Variants in PDE4D observed in about 807,000 individuals in gnomAD.
The protein encoded by PDE4D is 3',5'-cyclic-AMP phosphodiesterase 4D.
In PDE4D, 24 loss-of-function variants were observed where a neutral mutation model predicts 87.4. The observed-to-expected ratio is 0.27, with a 90% CI of 0.20 to 0.39. The LOEUF (loss-of-function observed/expected upper bound fraction) is 0.39, where lower values mean the gene tolerates loss of function less well. PDE4D is among the 10% of genes least tolerant of loss of function. The probability of loss-of-function intolerance (pLI) is 1.00; values close to 1 mark genes in which losing one functional copy is unlikely to be tolerated. For missense variants in PDE4D, 714 were observed against 1,041.0 expected, an observed-to-expected ratio of 0.69 and a Z score of 4.32; for synonymous variants, 384 against 383.2, an observed-to-expected ratio of 1.00 and a Z score of -0.02.
chr5:59,612,628 G>A (rs62355581), intron 1 of PDE4D, among the ~76,000 whole-genome samples: 11,478 of 152,146 alleles, frequency 0.075, 594 homozygotes, highest in Admixed American at 0.13. Flanking sequence ...AGTTTGCAGG[G>A]AGAACAATTT....
At chr5:59,493,269 A>T (rs1806557498) in intron 1 of PDE4D, among the ~76,000 whole-genome samples, 1 of 152,228 alleles carries the variant, frequency 6.6e-6, no homozygotes, top group Non-Finnish European at 1.5e-5. Context: ...CTTTGTTAAG[A>T]TTCAAAAATC....
At chr5:59,325,211 T>C (rs531908522) in intron 1 of PDE4D, among the ~76,000 whole-genome samples, 51 of 152,278 alleles carry the variant, frequency 3.3e-4, no homozygotes, top group African/African-American at 1.1e-3. Flanking sequence ...TGGTTTTACT[T>C]CAAAAGCTCA....
intron 2 of PDE4D, among the ~76,000 whole-genome samples, chr5:60,042,407 G>A (rs528309822): frequency 1.2e-4 from 19 of 152,342 alleles, no homozygotes; most frequent in South Asian, 4.1e-4. Flanking sequence ...TGGCTCTGAA[G>A]AGAGCAGTGG....
At chr5:60,383,815 A>C (rs1219223946) in intron 1 of PDE4D, among the ~76,000 whole-genome samples, 1 of 152,240 alleles carries the variant, frequency 6.6e-6, no homozygotes, top group African/African-American at 2.4e-5. Context: ...AATGCCTTTA[A>C]ATACATTATA....
intron 2 of PDE4D, among the ~76,000 whole-genome samples, chr5:60,076,397 A>C (rs952364373): frequency 6.6e-6 from 1 of 152,072 alleles, no homozygotes; most frequent in Non-Finnish European, 1.5e-5. Flanking sequence ...TGACCTCGTG[A>C]TCCACCCACC....
chr5:60,048,918 G>C (rs1304702544), intron 2 of PDE4D, among the ~76,000 whole-genome samples: 3 of 152,136 alleles, frequency 2.0e-5, no homozygotes, highest in Non-Finnish European at 4.4e-5. Context: ...GGCCTGCCTT[G>C]CTACATTGGG....
intron 5 of PDE4D, among the ~76,000 whole-genome samples, chr5:59,175,984 G>C (rs10079544): frequency 1.3e-5 from 2 of 151,726 alleles, no homozygotes; most frequent in African/African-American, 4.8e-5. Context: ...ACAGTCCTAA[G>C]TGTTAGGTAC....
At chr5:59,693,302 C>G (rs1169905519) in intron 1 of PDE4D, among the ~76,000 whole-genome samples, 1 of 152,026 alleles carries the variant, frequency 6.6e-6, no homozygotes, top group African/African-American at 2.4e-5. Flanking sequence ...AGACTTCACT[C>G]AAATGTCCAG....
intron 1 of PDE4D, among the ~76,000 whole-genome samples, chr5:60,324,522 C>T (rs1379188326): frequency 6.6e-6 from 1 of 152,164 alleles, no homozygotes; most frequent in African/African-American, 2.4e-5. Flanking sequence ...CCTGTAGTCC[C>T]AGCTATCAGG....
chr5:59,991,613 C>T (rs1031212800), intron 2 of PDE4D, among the ~76,000 whole-genome samples: 1 of 152,100 alleles, frequency 6.6e-6, no homozygotes. Flanking sequence ...AACCTTAACA[C>T]CACCTCCAGT....
At chr5:59,089,153 A>G (rs1460691315) in intron 5 of PDE4D, among the ~76,000 whole-genome samples, 1 of 152,100 alleles carries the variant, frequency 6.6e-6, no homozygotes, top group Non-Finnish European at 1.5e-5. Flanking sequence ...CTTCAAACAA[A>G]TGAGGCAATT....
intron 1 of PDE4D, among the ~76,000 whole-genome samples, chr5:59,343,628 T>C (rs1779136730): frequency 6.6e-6 from 1 of 152,194 alleles, no homozygotes; most frequent in African/African-American, 2.4e-5. Context: ...ACAGGGACAT[T>C]GAGCTATTCT....
intron 1 of PDE4D, among the ~76,000 whole-genome samples, chr5:59,607,804 G>A (rs1166733329): frequency 6.6e-6 from 1 of 152,104 alleles, no homozygotes; most frequent in East Asian, 1.9e-4. Context: ...AGCTATCCAT[G>A]CGCTTCTAAC....
At chr5:60,039,422 C>A (rs1476755518) in intron 2 of PDE4D, among the ~76,000 whole-genome samples, 1 of 130,118 alleles carries the variant, frequency 7.7e-6, no homozygotes, top group African/African-American at 2.9e-5. Context: ...ACATCACACA[C>A]TGGGGACTGT....
intron 1 of PDE4D, among the ~76,000 whole-genome samples, chr5:59,691,014 C>A (rs1750817459): frequency 1.3e-5 from 2 of 152,152 alleles, no homozygotes; most frequent in Non-Finnish European, 2.9e-5. Context: ...ATCAAAACCA[C>A]AATGAGATAT....
intron 5 of PDE4D, among the ~76,000 whole-genome samples, chr5:59,066,515 A>T: frequency 6.6e-6 from 1 of 152,156 alleles, no homozygotes; most frequent in East Asian, 1.9e-4. Context: ...GGTGGAGATG[A>T]GGCTGCAGAG....
chr5:59,183,433 T>G (rs1374164216), intron 4 of PDE4D, among the ~76,000 whole-genome samples: 1 of 152,260 alleles, frequency 6.6e-6, no homozygotes, highest in South Asian at 2.1e-4. Context: ...CCTCAGATCG[T>G]CTCTGGAGCC....
chr5:59,368,055 T>C (rs2153597137), intron 1 of PDE4D, among the ~76,000 whole-genome samples: 1 of 152,332 alleles, frequency 6.6e-6, no homozygotes, highest in East Asian at 1.9e-4. Context: ...CCAGAGCAAT[T>C]GCTTAGCTTT....
chr5:60,310,283 G>A (rs980547295), intron 1 of PDE4D, among the ~76,000 whole-genome samples: 10 of 152,102 alleles, frequency 6.6e-5, no homozygotes, highest in Non-Finnish European at 1.0e-4. Flanking sequence ...ACAGTATTAC[G>A]TTCTACAGTG....
Sources: gnomAD v4.1 joint callset for allele counts (sites outside exome capture counted in the v4.1 genomes callset) on GRCh38, gnomAD v4.1.1 for gene constraint, MANE v1.5 for transcripts, NCBI Gene and HGNC (gene_info 2026-07-23, HGNC 2026-07-21) for gene names.